Variants in KIF4B observed in about 807,000 individuals in gnomAD.
The protein encoded by KIF4B is kinesin family member 4B.
A neutral mutation model predicts 69.0 loss-of-function variants in KIF4B; 60 were observed. The observed-to-expected ratio is 0.87, with a 90% CI of 0.71 to 1.08. KIF4B has a LOEUF of 1.08. Among genes scored for constraint, KIF4B ranks in the 50% least tolerant of loss-of-function variants. KIF4B has a pLI of 0.00. For missense variants in KIF4B, 1,357 were observed against 1,451.9 expected (o/e 0.93, Z 1.06); for synonymous variants, 489 against 533.0 (o/e 0.92, Z 1.14).
chr5:155,017,464 A>T lies in KIF4B; in HGVS notation c.3605A>T (p.Tyr1202Phe). ...GAGTCGAAACATGGAGCAACAGAAT[A>T]CCAACAAAATAAGCCTCCAGGGAAG... is the stretch of plus-strand genomic sequence containing the variant. ...LPESKHGATE[Y>F]QQNKPPGKKK... is the part of the protein sequence containing the mutation. The change falls in exon 1 of 1, where the codon TAC becomes TTC. Residue 1202 changes from tyrosine to phenylalanine, a missense_variant. Physicochemically the swap from Tyr to Phe is conservative, Grantham distance 22 (BLOSUM62 3). Transcript: ENST00000435029. 6.2e-7 allele frequency: 1 copy of T among 1,614,146 alleles called. No homozygotes were observed. The highest frequency in any genetic ancestry group is 8.5e-7 in the Non-Finnish European group (1 of 1,180,018).
At position 155,017,225 on chromosome 5, in the gene KIF4B, CCAGCAAGG is replaced by C. The variant is rs761815818; in HGVS notation, c.3369_3376del (p.Gln1124GlyfsTer2). ...GTGACCCCACAAAGTGTCGGAACCG[CCAGCAAGG>C]CAAGGATAGCTTGGGCACTGTTGAA... On this transcript the variant is annotated frameshift_variant, in exon 1 of 1. Transcript: ENST00000435029. LOFTEE classifies it low-confidence loss of function (END_TRUNC). 2 of 1,614,186 alleles carry C rather than the reference CCAGCAAGG, an allele frequency of 1.2e-6. No homozygotes were observed. Among genetic ancestry groups the C allele is most frequent in the East Asian group, 4.5e-5 (2 of 44,872 alleles).
chr5:155,015,257 T>C lies in KIF4B; in HGVS notation c.1398T>C (p.Ile466=), dbSNP rs937076263. Residue 466 remains isoleucine (I), a synonymous_variant, in exon 1 of 1, where the codon ATT becomes ATC. Coordinates refer to ENST00000435029, the MANE Select transcript of KIF4B (RefSeq NM_001099293.3). ...DQELKENVEI[I]CNLQQLITQL... The stretch of plus-strand genomic sequence containing the variant: ...AATTGAAAGAAAATGTAGAGATAAT[T>C]TGTAACCTGCAGCAACTGATTACCC... 1.2e-6 allele frequency: 2 copies of C among 1,614,040 alleles called. No homozygotes were observed. Among genetic ancestry groups the C allele is most frequent in the African/African-American group, 1.3e-5 (1 of 74,910 alleles).
rs78358050 is a variant in KIF4B at position 155,017,224 on chromosome 5, G to A, written c.3365G>A (p.Arg1122His). The A allele has an allele frequency of 1.9e-5, 31 of 1,614,192 alleles. No homozygotes were observed. The highest frequency in any genetic ancestry group is 3.3e-4 in the Middle Eastern group (2 of 6,056). The change falls in exon 1 of 1, where the codon CGC (arginine) becomes CAC (histidine). Residue 1122 changes from arginine (R) to histidine (H), a missense_variant. Arg to His is a conservative substitution (Grantham distance 29). Coordinates refer to ENST00000435029, the MANE Select transcript of KIF4B (RefSeq NM_001099293.3). ...CSCDPTKCRN[R>H]QQGKDSLGTV... ...TGTGACCCCACAAAGTGTCGGAACC[G>A]CCAGCAAGGCAAGGATAGCTTGGGC...
Position 155,015,942 on chromosome 5 carries a change from A to G in KIF4B, c.2083A>G (p.Lys695Glu), listed in dbSNP as rs1765321408. The part of the protein sequence containing the change: ...ELLKLERNFQ[K>E]QSSVLRRKTE... ...GCTCAAACTTGAAAGAAACTTCCAG[A>G]AACAATCCAGTGTGCTCAGACGTAA... The change falls in exon 1 of 1, where the codon AAA becomes GAA. Residue 695 changes from lysine (K) to glutamate (E), a missense_variant. Lys to Glu is a moderately conservative substitution (Grantham distance 56). Coordinates refer to ENST00000435029, the MANE Select transcript of KIF4B (RefSeq NM_001099293.3). 3 of 1,614,154 alleles carry G rather than the reference A, an allele frequency of 1.9e-6. No individual in the cohort carries two copies. The highest frequency in any genetic ancestry group is 2.5e-6 in the Non-Finnish European group (3 of 1,180,066).
At position 155,013,842 on chromosome 5, in the gene KIF4B, C is replaced by A. The variant is rs781193252; in HGVS notation, c.-18C>A. The A allele has an allele frequency of 1.2e-6, 2 of 1,611,536 alleles. No individual in the cohort carries two copies. Among genetic ancestry groups the A allele is most frequent in the Non-Finnish European group, 8.5e-7 (1 of 1,179,182 alleles). ...CGGGGAAGGGACATTTAGTTTGAGACGGTGCTGAGATAGGATCATGAAGGA... is the reference window on the plus strand; with the variant it reads ...CGGGGAAGGGACATTTAGTTTGAGAAGGTGCTGAGATAGGATCATGAAGGA... On this transcript the variant is annotated 5_prime_UTR_variant, in exon 1 of 1. Transcript: ENST00000435029.
chr5:155,014,372 A>C lies in KIF4B; in HGVS notation c.513A>C (p.Ile171=). The change falls in exon 1 of 1, where the codon ATA becomes ATC. Residue 171 remains isoleucine (I), a synonymous_variant. Coordinates refer to ENST00000435029, the MANE Select transcript of KIF4B (RefSeq NM_001099293.3). ...TACGGGAGGATCCTAAGGAAGGCAT[A>C]AAGATTGTGGGACTCACTGAGAAGA... ...INIREDPKEG[I]KIVGLTEKTV... is the part of the protein sequence containing the mutation. 1.9e-6 allele frequency: 3 copies of C among 1,614,226 alleles called. No homozygotes were observed. Among genetic ancestry groups the C allele is most frequent in the Non-Finnish European group, 2.5e-6 (3 of 1,180,030 alleles).
rs763486100 is a variant in KIF4B at position 155,014,743 on chromosome 5, G to A, written c.884G>A (p.Arg295Gln). Residue 295 changes from arginine to glutamine, a missense_variant, in exon 1 of 1, where the codon CGA becomes CAA. Transcript: ENST00000435029. Reference sequence around the variant, plus strand: ...CCCTACAGAGATTCCAAGTTAACTCGACTGCTGCAAGATTCTCTAGGAGGT... The same window carrying A: ...CCCTACAGAGATTCCAAGTTAACTCAACTGCTGCAAGATTCTCTAGGAGGT... Reference protein sequence around the residue: ...FVPYRDSKLTRLLQDSLGGNS... With the variant: ...FVPYRDSKLTQLLQDSLGGNS... 3 of 1,613,970 alleles carry A rather than the reference G, an allele frequency of 1.9e-6. No individual in the cohort carries two copies. Among genetic ancestry groups the A allele is most frequent in the African/African-American group, 1.3e-5 (1 of 74,864 alleles).
Position 155,017,470 on chromosome 5 carries a change from A to C in KIF4B, c.3611A>C (p.Gln1204Pro). The C allele has an allele frequency of 6.2e-7, 1 of 1,614,114 alleles. No individual in the cohort carries two copies. Among genetic ancestry groups the C allele is most frequent in the Non-Finnish European group, 8.5e-7 (1 of 1,180,028 alleles). ...AAACATGGAGCAACAGAATACCAAC[A>C]AAATAAGCCTCCAGGGAAGAAAAAG... ...ESKHGATEYQ[Q>P]NKPPGKKKKR... The change falls in exon 1 of 1, where the codon CAA (glutamine) becomes CCA (proline). Residue 1204 changes from glutamine (Q) to proline (P), a missense_variant. By Grantham distance (76) the Gln-to-Pro change is moderately conservative. Coordinates refer to ENST00000435029, the MANE Select transcript of KIF4B (RefSeq NM_001099293.3).
chr5:155,017,679 A>C lies in KIF4B; in HGVS notation c.*115A>C. 2.1e-6 allele frequency: 3 copies of C among 1,452,944 alleles called. No homozygotes were observed. The highest frequency in any genetic ancestry group is 1.8e-6 in the Non-Finnish European group (2 of 1,100,602). The allele number at this position is 1,452,944 out of a possible 1,614,324, so 90.0% of individuals were successfully genotyped here. ...TTTCAGGTTTCTTGCCGTTGAAAAA[A>C]AGGAACAAAGCATTACTAAAAAGAA... On this transcript the variant is annotated 3_prime_UTR_variant, in exon 1 of 1. Transcript: ENST00000435029.
rs760200883 is a variant in KIF4B, at chr5:155,015,597, C to T, written c.1738C>T (p.Arg580Cys). 9.9e-6 allele frequency: 16 copies of T among 1,614,166 alleles called. No individual in the cohort carries two copies. Among genetic ancestry groups the T allele is most frequent in the Middle Eastern group, 1.6e-4 (1 of 6,062 alleles). Residue 580 changes from arginine to cysteine, a missense_variant, in exon 1 of 1, where the codon CGT becomes TGT. By Grantham distance (180) the Arg-to-Cys change is radical (BLOSUM62 -3). Transcript: ENST00000435029. ...GCAAAAGGAAAAGGAAGAATTGGTT[C>T]GTGAACTTCAGACAGCAAAGAAGAA... ...NLQKEKEELVRELQTAKKNVN... is the reference protein window; with the variant it reads ...NLQKEKEELVCELQTAKKNVN...
Position 155,016,083 on chromosome 5 carries a change from C to T in KIF4B, c.2224C>T (p.Arg742Ter), listed in dbSNP as rs1399377043. ...CCATGGAAAGGAAGGTATTGCAGCTCGAGTGAGGAATTGGCTTGGAAATGA... is the reference window on the plus strand; with the variant it reads ...CCATGGAAAGGAAGGTATTGCAGCTTGAGTGAGGAATTGGCTTGGAAATGA... ...QSHGKEGIAA[R>*]VRNWLGNEIE... The change falls in exon 1 of 1, where the codon CGA becomes TGA. Residue 742 changes from arginine (R) to a stop codon, truncating the protein, a stop_gained. Transcript: ENST00000435029. LOFTEE classifies it high-confidence loss of function. The T allele has an allele frequency of 1.2e-5, 20 of 1,613,896 alleles. No individual in the cohort carries two copies. The highest frequency in any genetic ancestry group is 1.5e-5 in the Non-Finnish European group (18 of 1,180,016).
rs1229885882 is a variant in KIF4B, at chr5:155,015,477, G to T, written c.1618G>T (p.Val540Phe). The T allele has an allele frequency of 1.9e-6, 3 of 1,614,180 alleles. No homozygotes were observed. The highest frequency in any genetic ancestry group is 1.7e-5 in the Admixed American group (1 of 60,026). ...CGCCCTTGCACTGAAAGAGGCCCTA[G>T]TTAGGAAGATGACTCAGAACGACAA... ...NNALALKEAL[V>F]RKMTQNDNQL... The change falls in exon 1 of 1, where the codon GTT becomes TTT. Residue 540 changes from valine (V) to phenylalanine (F), a missense_variant. Coordinates refer to ENST00000435029, the MANE Select transcript of KIF4B (RefSeq NM_001099293.3).
chr5:155,017,326 T>G lies in KIF4B; in HGVS notation c.3467T>G (p.Phe1156Cys), dbSNP rs779407047. The G allele has an allele frequency of 6.2e-7, 1 of 1,614,054 alleles. No homozygotes were observed. The highest frequency in any genetic ancestry group is 1.3e-5 in the African/African-American group (1 of 74,924). Reference protein sequence around the residue: ...DPTEVTPGLSFFNPVCATPNS... With the variant: ...DPTEVTPGLSCFNPVCATPNS... ...ACCGAGGTGACCCCAGGATTGAGCT[T>G]CTTTAACCCTGTCTGTGCCACCCCC... Residue 1156 changes from phenylalanine (F) to cysteine (C), a missense_variant, in exon 1 of 1, where the codon TTC becomes TGC. Phe to Cys is a radical substitution (Grantham distance 205). Transcript: ENST00000435029.
chr5:155,015,723 C>T lies in KIF4B; in HGVS notation c.1864C>T (p.Leu622Phe). The T allele has an allele frequency of 6.2e-7, 1 of 1,614,180 alleles. No individual in the cohort carries two copies. The highest frequency in any genetic ancestry group is 1.3e-5 in the African/African-American group (1 of 75,028). The change falls in exon 1 of 1, where the codon CTT (leucine) becomes TTT (phenylalanine). Residue 622 changes from leucine (L) to phenylalanine (F), a missense_variant. By Grantham distance (22) the Leu-to-Phe change is conservative (BLOSUM62 0). Transcript: ENST00000435029. ...GAAGAAACTGAATGAGCAGTCCAAA[C>T]TTCTGAAACTAAAGGAATCCACAGA... ...LKKKLNEQSKLLKLKESTERT... is the reference protein window; with the variant it reads ...LKKKLNEQSKFLKLKESTERT...
In KIF4B at chr5:155,015,637, A is replaced by G. The variant is rs1765313193; in HGVS notation, c.1778A>G (p.Lys593Arg). 4.3e-6 allele frequency: 7 copies of G among 1,614,136 alleles called. No individual in the cohort carries two copies. Among genetic ancestry groups the G allele is most frequent in the Non-Finnish European group, 5.9e-6 (7 of 1,180,060 alleles). The change falls in exon 1 of 1, where the codon AAG becomes AGG. Residue 593 changes from lysine to arginine, a missense_variant. Physicochemically the swap from Lys to Arg is conservative, Grantham distance 26 (BLOSUM62 2). Coordinates refer to ENST00000435029, the MANE Select transcript of KIF4B (RefSeq NM_001099293.3). ...GCAAAGAAGAATGTCAACCAAGCCA[A>G]GCTGAGTGAGCACCGCCACAAACTT... ...QTAKKNVNQA[K>R]LSEHRHKLLQ...
At position 155,014,036 on chromosome 5, in the gene KIF4B, T is replaced by A; in HGVS notation, c.177T>A (p.Thr59=). The A allele has an allele frequency of 6.2e-7, 1 of 1,614,212 alleles. No individual in the cohort carries two copies. The highest frequency in any genetic ancestry group is 8.5e-7 in the Non-Finnish European group (1 of 1,180,028). The part of the protein sequence containing the change: ...FTYDFVFDPC[T]EQEEVFNKAV... ...ACGATTTTGTGTTTGACCCCTGTAC[T>A]GAGCAGGAAGAAGTCTTCAATAAAG... The change falls in exon 1 of 1, where the codon ACT becomes ACA. Residue 59 remains threonine (T), a synonymous_variant. Transcript: ENST00000435029.
At position 155,014,168 on chromosome 5, in the gene KIF4B, T is replaced by C. The variant is rs1318696026; in HGVS notation, c.309T>C (p.Thr103=). 3 of 1,614,240 alleles carry C rather than the reference T, an allele frequency of 1.9e-6. No homozygotes were observed. Among genetic ancestry groups the C allele is most frequent in the Non-Finnish European group, 2.5e-6 (3 of 1,180,042 alleles). ...CCTATTCAATGGGAGGTGCATACAC[T>C]GCGGAGCAGGAGAATGAACCAACAG... The part of the protein sequence containing the change: ...GKTYSMGGAY[T]AEQENEPTVG... The change falls in exon 1 of 1, where the codon ACT becomes ACC. Residue 103 remains threonine (T), a synonymous_variant. Coordinates refer to ENST00000435029, the MANE Select transcript of KIF4B (RefSeq NM_001099293.3).
At position 155,015,411 on chromosome 5, in the gene KIF4B, C is replaced by A; in HGVS notation, c.1552C>A (p.His518Asn). ...CGCTTTTACCACTCAGCATGCTCTC[C>A]ATCAAGCTCAGATGTCTAAGGAGGT... Reference protein sequence around the residue: ...SDAFTTQHALHQAQMSKEVVE... With the variant: ...SDAFTTQHALNQAQMSKEVVE... The change falls in exon 1 of 1, where the codon CAT becomes AAT. Residue 518 changes from histidine (H) to asparagine (N), a missense_variant. Physicochemically the swap from His to Asn is moderately conservative, Grantham distance 68 (BLOSUM62 1). Transcript: ENST00000435029. 2.5e-6 allele frequency: 4 copies of A among 1,614,204 alleles called. No homozygotes were observed. Among genetic ancestry groups the A allele is most frequent in the Non-Finnish European group, 3.4e-6 (4 of 1,180,048 alleles).
Position 155,017,118 on chromosome 5 carries a change from G to A in KIF4B, c.3259G>A (p.Gly1087Arg). ...CAAGGTGTCCAGGAAGAACATCCAAGGGTGTTCCTGCAAGGGCTGGTGTGG... is the reference window on the plus strand; with the variant it reads ...CAAGGTGTCCAGGAAGAACATCCAAAGGTGTTCCTGCAAGGGCTGGTGTGG... ...LVKVSRKNIQ[G>R]CSCKGWCGNK... The change falls in exon 1 of 1, where the codon GGG becomes AGG. Residue 1087 changes from glycine (G) to arginine (R), a missense_variant. Gly to Arg is a moderately radical substitution (Grantham distance 125). Coordinates refer to ENST00000435029, the MANE Select transcript of KIF4B (RefSeq NM_001099293.3). 1 of 1,614,148 alleles carries A rather than the reference G, an allele frequency of 6.2e-7. No homozygotes were observed. Among genetic ancestry groups the A allele is most frequent in the South Asian group, 1.1e-5 (1 of 91,076 alleles).
Sources: gnomAD v4.1 joint callset for allele counts on GRCh38, gnomAD v4.1.1 for gene constraint, MANE v1.5 for transcripts, NCBI Gene and HGNC (gene_info 2026-07-23, HGNC 2026-07-21) for gene names.